The following WDR89 variants were observed in gnomAD, a reference collection of about 807,000 sequenced individuals.
The protein encoded by WDR89 is WD repeat domain 89.
WDR89 carries 17 observed loss-of-function variants against 29.1 expected under a neutral mutation model. The ratio of observed to expected loss-of-function variants is 0.58; its 90% CI spans 0.40 to 0.88. The LOEUF (loss-of-function observed/expected upper bound fraction) is 0.88. Among genes scored for constraint, WDR89 ranks in the 40% least tolerant of loss-of-function variants. WDR89 has a pLI of 0.00. For synonymous variants in WDR89, 138 were observed against 157.8 expected (o/e 0.87, Z 0.94); for missense variants, 396 against 456.3 (o/e 0.87, Z 1.20).
chr14:63,619,284 A>T (rs1325410759), intron 2 of WDR89, among the ~76,000 whole-genome samples: 3 of 152,234 alleles, frequency 2.0e-5, no homozygotes, highest in African/African-American at 7.2e-5. Flanking sequence ...AATGTTAACT[A>T]TAGTAACACC....
At chr14:63,617,415 G>A (rs1210297449) in intron 2 of WDR89, among the ~76,000 whole-genome samples, 1 of 151,934 alleles carries the variant, frequency 6.6e-6, no homozygotes, top group Non-Finnish European at 1.5e-5. Context: ...TGATTAACTG[G>A]ACAATTTGAT....
At chr14:63,641,558 CG>C (rs1566804902) in intron 1 of WDR89, among the ~76,000 whole-genome samples, 1 of 152,232 alleles carries the variant, frequency 6.6e-6, no homozygotes, top group Non-Finnish European at 1.5e-5. Context: ...GGAACTGCAC[CG>C]GCAACAGCAG....
intron 1 of WDR89, among the ~76,000 whole-genome samples, chr14:63,637,189 A>G (rs1883787532): frequency 1.3e-5 from 2 of 152,234 alleles, no homozygotes; most frequent in African/African-American, 4.8e-5. Context: ...GATCAGGGAA[A>G]TGCAAATCGA....
chr14:63,632,468 T>TA (rs1883469411), intron 1 of WDR89, among the ~76,000 whole-genome samples: 2 of 151,584 alleles, frequency 1.3e-5, no homozygotes, highest in Non-Finnish European at 2.9e-5. Context: ...CGTCTCTACT[T>TA]AAAAAAATAC....
chr14:63,622,287 A>T (rs1314268338), intron 2 of WDR89, among the ~76,000 whole-genome samples: 2 of 151,854 alleles, frequency 1.3e-5, no homozygotes, highest in East Asian at 3.9e-4. Context: ...ATACAAAAAA[A>T]GTAGCCAGGC....
In WDR89 at chr14:63,635,885, C is replaced by A. The variant is rs188302318; in HGVS notation, c.-138+5919G>T. 7.9e-5 allele frequency among the ~76,000 whole-genome samples: 12 copies of A among 152,242 alleles called. No individual in the cohort carries two copies. In the South Asian group the frequency reaches 2.5e-3, roughly 32 times the overall value. On this transcript the variant is annotated intron_variant, in intron 1 of 2. Transcript: ENST00000620954. ...AACTCAACCCCTTTTACAATAGCTG[C>A]AAAAACAAACAAACAAACAAAACTT...
At chr14:63,601,654 G>T in intron 2 of WDR89, 1 of 1,613,242 alleles carries the variant, frequency 6.2e-7, no homozygotes, top group Non-Finnish European at 8.5e-7. Context: ...GTCGCTGTTG[G>T]ATCGGGTTCT....
intron 2 of WDR89, among the ~76,000 whole-genome samples, chr14:63,611,713 T>G (rs1246400711): frequency 1.3e-5 from 2 of 152,008 alleles, no homozygotes; most frequent in East Asian, 1.9e-4. Flanking sequence ...AAAAAAAAAT[T>G]TTTTTTAAAT....
chr14:63,640,279 G>A (rs1181342196), intron 1 of WDR89, among the ~76,000 whole-genome samples: 2 of 152,046 alleles, frequency 1.3e-5, no homozygotes, highest in Non-Finnish European at 2.9e-5. Context: ...GGCTTTCATC[G>A]GTAACATATT....
At chr14:63,630,357 A>G (rs1435376242) in intron 1 of WDR89, among the ~76,000 whole-genome samples, 1 of 151,526 alleles carries the variant, frequency 6.6e-6, no homozygotes, top group Non-Finnish European at 1.5e-5. Flanking sequence ...AAGTCCAGAC[A>G]AGGGGCTGGG....
intron 2 of WDR89, among the ~76,000 whole-genome samples, chr14:63,604,066 CAATCAACGTGAAA>C (rs1490261758): frequency 6.6e-6 from 1 of 152,182 alleles, no homozygotes; most frequent in Non-Finnish European, 1.5e-5. Context: ...TCTCCACTGC[CAATCAACGTGAAA>C]AAGCCCCTGT....
chr14:63,604,706 T>C (rs1332753507), intron 2 of WDR89, among the ~76,000 whole-genome samples: 1 of 152,246 alleles, frequency 6.6e-6, no homozygotes, highest in East Asian at 1.9e-4. Context: ...AGTGGTGAAC[T>C]TATTACCTAA....
chr14:63,600,097 G>T, intron 2 of WDR89, 124 bp from the exon 3 acceptor site: 1 of 492,680 alleles, frequency 2.0e-6, no homozygotes, highest in Non-Finnish European at 3.4e-6. Flanking sequence ...CTGAGGGCTG[G>T]CATGAATCAA....
At chr14:63,615,591 C>T (rs951639609) in intron 2 of WDR89, among the ~76,000 whole-genome samples, 2 of 152,138 alleles carry the variant, frequency 1.3e-5, no homozygotes, top group Non-Finnish European at 2.9e-5. Context: ...GCTCTAACAA[C>T]ATTAAATCTG....
chr14:63,602,350 T>A lies in WDR89; in HGVS notation c.-31-2377A>T, dbSNP rs1000832895. Among the ~76,000 whole-genome samples, 7 of 149,802 alleles carry A rather than the reference T, an allele frequency of 4.7e-5. No homozygotes were observed. The East Asian group carries it at 1.4e-3, about 30-fold the overall frequency. ...AGTTTGGTGTTGTGGTGCACACCTG[T>A]AATCCAGCTACTCGGGAGGCTGAGG... is the stretch of plus-strand genomic sequence containing the variant. On this transcript the variant is annotated intron_variant, in intron 2 of 2. Coordinates refer to ENST00000620954, the MANE Select transcript of WDR89 (RefSeq NM_080666.4).
rs752646441 is a variant in WDR89, at chr14:63,599,655, G to T, written c.288C>A (p.Cys96Ter). ...TTTCTCTGGCTACTCGAGCATCCCA[G>T]CATTTCACAGTGCCATCAGTACATG... ...YSACTDGTVK[C>*]WDARVAREKP... The change falls in exon 3 of 3, where the codon TGC (cysteine) becomes TGA (stop). Residue 96 changes from cysteine to a stop codon, truncating the protein, a stop_gained. Coordinates refer to ENST00000620954, the MANE Select transcript of WDR89 (RefSeq NM_080666.4). LOFTEE classifies it high-confidence loss of function. 10 of 1,602,842 alleles carry T rather than the reference G, an allele frequency of 6.2e-6. No individual in the cohort carries two copies. The South Asian group carries it at 9.9e-5, about 16-fold the overall frequency.
chr14:63,605,825 G>A lies in WDR89; in HGVS notation c.-31-5852C>T, dbSNP rs142605827. ...TACTTATTGAAAGGAAGTTAACTGT[G>A]AACAGCCTCAGGCAAGTCCTTCAAA... is the stretch of plus-strand genomic sequence containing the variant. On this transcript the variant is annotated intron_variant, in intron 2 of 2. Coordinates refer to ENST00000620954, the MANE Select transcript of WDR89 (RefSeq NM_080666.4). 1.7e-3 allele frequency among the ~76,000 whole-genome samples: 257 copies of A among 152,174 alleles called. 1 individual carries two copies. Among genetic ancestry groups the A allele is most frequent in the African/African-American group, 5.9e-3 (246 of 41,516 alleles).
intron 2 of WDR89, among the ~76,000 whole-genome samples, chr14:63,605,156 C>G (rs527965727): frequency 1.5e-4 from 20 of 134,740 alleles, no homozygotes; most frequent in African/African-American, 6.1e-4. Context: ...CTGTCTGTCT[C>G]TCTCTCTCTC....
In WDR89 at chr14:63,599,574, A is replaced by T. The variant is rs200783329; in HGVS notation, c.369T>A (p.Ile123=). 24 of 1,614,136 alleles carry T rather than the reference A, an allele frequency of 1.5e-5. No homozygotes were observed. The East Asian group carries it at 4.5e-4, about 30-fold the overall frequency. Residue 123 remains isoleucine (I), a synonymous_variant, in exon 3 of 3, where the codon ATT becomes ATA. Coordinates refer to ENST00000620954, the MANE Select transcript of WDR89 (RefSeq NM_080666.4). ...YPSNIFISFD[I]NCNDHIICAG... ...CACAAATAATATGATCATTACAATT[A>T]ATATCAAAACTGATAAAAATATTGG... is the stretch of plus-strand genomic sequence containing the variant.
Sources: allele counts gnomAD v4.1 joint callset (sites outside exome capture counted in the v4.1 genomes callset), GRCh38; gene constraint gnomAD v4.1.1; transcripts MANE v1.5; gene names NCBI Gene and HGNC (gene_info 2026-07-23, HGNC 2026-07-21).